Variants in HPSE2 observed in about 807,000 individuals in gnomAD.
HPSE2 encodes inactive heparanase-2.
In HPSE2, 38 loss-of-function variants were observed where a neutral mutation model predicts 60.5. The observed-to-expected ratio is 0.63, with a 90% CI of 0.48 to 0.82. HPSE2 has a LOEUF of 0.82. Ranked by LOEUF, HPSE2 falls within the 40% of genes least tolerant of loss-of-function variation. HPSE2 has a pLI of 0.00. For missense variants in HPSE2, 713 were observed against 740.4 expected (o/e 0.96, Z 0.43); for synonymous variants, 295 against 293.2 (o/e 1.01, Z -0.06).
At chr10:99,254,142 G>A in the HPSE2 span, among the ~76,000 whole-genome samples, 4,240 of 152,250 alleles carry the variant, frequency 0.028, 196 homozygotes, top group African/African-American at 0.096. Context: ...ATTCACAACA[G>A]CAAACACATG....
intron 9 of HPSE2, among the ~76,000 whole-genome samples, chr10:98,577,200 T>C (rs1461369068): frequency 1.3e-5 from 2 of 151,910 alleles, no homozygotes; most frequent in Non-Finnish European, 2.9e-5. Context: ...CTTTAACTTG[T>C]CTTTATTTAT....
At chr10:98,882,781 T>C (rs1953060284) in intron 3 of HPSE2, among the ~76,000 whole-genome samples, 1 of 152,106 alleles carries the variant, frequency 6.6e-6, no homozygotes, top group African/African-American at 2.4e-5. Context: ...GAACAATGAC[T>C]GTCTAATCTA....
intron 2 of HPSE2, among the ~76,000 whole-genome samples, chr10:99,202,033 C>A (rs1848592534): frequency 6.6e-6 from 1 of 152,134 alleles, no homozygotes; most frequent in Non-Finnish European, 1.5e-5. Context: ...GAAGAGCAAG[C>A]CAGGTGCTGG....
chr10:99,271,932 G>A, the HPSE2 span, among the ~76,000 whole-genome samples: 1 of 152,212 alleles, frequency 6.6e-6, no homozygotes, highest in Non-Finnish European at 1.5e-5. Flanking sequence ...TAACTGGCAA[G>A]CCACATGTAG....
intron 3 of HPSE2, among the ~76,000 whole-genome samples, chr10:98,843,288 A>G (rs1215014466): frequency 6.6e-6 from 1 of 152,230 alleles, no homozygotes; most frequent in East Asian, 1.9e-4. Flanking sequence ...AAGTGAAAAC[A>G]TGCAGTATTT....
intron 3 of HPSE2, among the ~76,000 whole-genome samples, chr10:99,066,016 G>GGCAGAAAGTGAATAAGTACAT (rs1842605309): frequency 3.7e-5 from 2 of 54,388 alleles, no homozygotes; most frequent in Non-Finnish European, 1.3e-4. Context: ...AATAAGTACA[G>GGCAGAAAGTGAATAAGTACAT]GCAGGCAGCT....
At chr10:99,152,948 G>A (rs1003821228) in intron 2 of HPSE2, among the ~76,000 whole-genome samples, 2 of 152,262 alleles carry the variant, frequency 1.3e-5, no homozygotes, top group Admixed American at 1.3e-4. Context: ...GGAAGCGCAA[G>A]GGGTCAGGGA....
At chr10:98,468,673 T>C (rs7901235) in intron 11 of HPSE2, among the ~76,000 whole-genome samples, 33,118 of 152,010 alleles carry the variant, frequency 0.22, 4,227 homozygotes, top group African/African-American at 0.35. Flanking sequence ...TCAGTGCCTT[T>C]TTGTCCATGA....
chr10:99,044,016 C>T (rs1343685583), intron 3 of HPSE2, among the ~76,000 whole-genome samples: 1 of 151,942 alleles, frequency 6.6e-6, no homozygotes, highest in Non-Finnish European at 1.5e-5. Context: ...TACAAAGGAC[C>T]CTGGCTAGAT....
intron 11 of HPSE2, among the ~76,000 whole-genome samples, chr10:98,467,877 C>T (rs1940609755): frequency 6.6e-6 from 1 of 152,264 alleles, no homozygotes; most frequent in South Asian, 2.1e-4. Context: ...AACGGGACTG[C>T]AATTCCTGCA....
intron 6 of HPSE2, among the ~76,000 whole-genome samples, chr10:98,667,232 A>G (rs1947387605): frequency 6.6e-6 from 1 of 152,154 alleles, no homozygotes; most frequent in Non-Finnish European, 1.5e-5. Flanking sequence ...ACCAGGAGGA[A>G]AGTGAAAGCC....
chr10:99,303,239 T>G, the HPSE2 span, among the ~76,000 whole-genome samples: 3 of 152,308 alleles, frequency 2.0e-5, no homozygotes, highest in African/African-American at 7.2e-5. Context: ...CCTGGGTTTC[T>G]CTCTTACCAA....
chr10:98,563,313 A>G (rs1944245328), intron 9 of HPSE2, among the ~76,000 whole-genome samples: 1 of 152,254 alleles, frequency 6.6e-6, no homozygotes, highest in Admixed American at 6.5e-5. Context: ...ACCTAGTTAC[A>G]AAAGACCATA....
chr10:98,659,763 G>A (rs961722937), intron 6 of HPSE2, among the ~76,000 whole-genome samples: 1 of 38,396 alleles, frequency 2.6e-5, no homozygotes, highest in Non-Finnish European at 7.0e-4. Context: ...AGTCAGTAAA[G>A]AGTCTCTTTG....
At chr10:98,596,999 A>G (rs1945256740) in intron 9 of HPSE2, among the ~76,000 whole-genome samples, 1 of 152,098 alleles carries the variant, frequency 6.6e-6, no homozygotes, top group South Asian at 2.1e-4. Context: ...GGAAGGGGAA[A>G]CAAACACGTC....
intron 3 of HPSE2, among the ~76,000 whole-genome samples, chr10:98,762,693 A>T (rs1950032907): frequency 8.1e-6 from 1 of 124,010 alleles, no homozygotes; most frequent in African/African-American, 3.3e-5. Context: ...GTCTGAACAT[A>T]ACCACATTGA....
chr10:98,748,865 G>A (rs2134345537), intron 3 of HPSE2, among the ~76,000 whole-genome samples: 1 of 151,928 alleles, frequency 6.6e-6, no homozygotes, highest in African/African-American at 2.4e-5. Flanking sequence ...ACAAACTGAG[G>A]AGGAAAAGGA....
intron 9 of HPSE2, among the ~76,000 whole-genome samples, chr10:98,591,728 T>C (rs1344917474): frequency 6.6e-6 from 1 of 152,134 alleles, no homozygotes; most frequent in Non-Finnish European, 1.5e-5. Flanking sequence ...AAATTGATTA[T>C]TTTCTTTAAC....
At chr10:99,123,107 T>A (rs1329083943) in intron 3 of HPSE2, among the ~76,000 whole-genome samples, 1 of 152,156 alleles carries the variant, frequency 6.6e-6, no homozygotes, top group Non-Finnish European at 1.5e-5. Flanking sequence ...TCACACTACA[T>A]GTAAACATAA....
Sources: allele counts gnomAD v4.1 joint callset (sites outside exome capture counted in the v4.1 genomes callset), GRCh38; gene constraint gnomAD v4.1.1; transcripts MANE v1.5; gene names NCBI Gene and HGNC (gene_info 2026-07-23, HGNC 2026-07-21).